The following KCTD16 variants were observed in gnomAD, a reference collection of about 807,000 sequenced individuals.
KCTD16 encodes potassium channel tetramerization domain containing 16.
A neutral mutation model predicts 33.2 loss-of-function variants in KCTD16; 13 were observed. That is an observed-to-expected ratio of 0.39 (90% CI 0.25 to 0.62). KCTD16 has a LOEUF of 0.62. Among genes scored for constraint, KCTD16 ranks in the 20% least tolerant of loss-of-function variants. The pLI is 0.50. For missense variants in KCTD16, 441 were observed against 525.1 expected (o/e 0.84, Z 1.57); for synonymous variants, 197 against 195.3 (o/e 1.01, Z -0.07).
rs374139569 is a variant in KCTD16 at position 144,286,913 on chromosome 5, C to G, written c.832+79367C>G. 6.5e-4 allele frequency among the ~76,000 whole-genome samples: 99 copies of G among 152,278 alleles called. 1 individual carries two copies. The highest frequency in any genetic ancestry group is 2.3e-3 in the African/African-American group (94 of 41,566). On this transcript the variant is annotated intron_variant, in intron 3 of 3. Coordinates refer to ENST00000512467, the MANE Select transcript of KCTD16 (RefSeq NM_020768.4). ...TAATAGGCCTGACACTTATTGAGCA[C>G]TTACTATGTACCAGGTATGATTCTA...
chr5:144,458,532 G>A (rs1580980420), intron 3 of KCTD16, among the ~76,000 whole-genome samples: 1 of 152,192 alleles, frequency 6.6e-6, no homozygotes, highest in East Asian at 1.9e-4. Context: ...CTACTCTTTG[G>A]TCCTGTTGTT....
In KCTD16 at chr5:144,466,982, A is replaced by G. The variant is rs574531578; in HGVS notation, c.833-6678A>G. Among the ~76,000 whole-genome samples, 385 of 128,678 alleles carry G rather than the reference A, an allele frequency of 3.0e-3. 3 individuals are homozygous for G. Among genetic ancestry groups the G allele is most frequent in the African/African-American group, 0.011 (359 of 33,618 alleles). 84.4% of individuals were successfully genotyped at this position (128,678 alleles called of 152,430 possible). The stretch of plus-strand genomic sequence containing the variant: ...ATTATATATATTATATATAATATAT[A>G]TAACACTATATATATTATATATATT... On this transcript the variant is annotated intron_variant, in intron 3 of 3. Transcript: ENST00000512467.
intron 3 of KCTD16, among the ~76,000 whole-genome samples, chr5:144,465,500 G>A (rs895335662): frequency 1.3e-5 from 2 of 152,006 alleles, no homozygotes; most frequent in Non-Finnish European, 2.9e-5. Flanking sequence ...AAAAATGAGG[G>A]CACTCGTGGC....
At chr5:144,314,790 A>C (rs1418985580) in intron 3 of KCTD16, among the ~76,000 whole-genome samples, 2 of 152,208 alleles carry the variant, frequency 1.3e-5, no homozygotes, top group African/African-American at 4.8e-5. Context: ...GCATACACGA[A>C]ATGGAAAACA....
chr5:144,268,280 A>G (rs1045238863), intron 3 of KCTD16, among the ~76,000 whole-genome samples: 1 of 152,174 alleles, frequency 6.6e-6, no homozygotes, highest in Non-Finnish European at 1.5e-5. Flanking sequence ...GCTTCTGGCC[A>G]CAGAGGTATA....
chr5:144,403,964 G>A (rs1488153132), intron 3 of KCTD16, among the ~76,000 whole-genome samples: 1 of 152,196 alleles, frequency 6.6e-6, no homozygotes, highest in Non-Finnish European at 1.5e-5. Flanking sequence ...GCAATAATAT[G>A]AGTGGCAGAG....
chr5:144,205,280 A>C (rs1753136017), intron 2 of KCTD16: 7 of 339,118 alleles, frequency 2.1e-5, no homozygotes, highest in Admixed American at 4.8e-5. Flanking sequence ...CCTGTCACCG[A>C]GGAGGACGTG....
chr5:144,209,063 T>C (rs770415794), intron 3 of KCTD16, among the ~76,000 whole-genome samples: 1 of 152,230 alleles, frequency 6.6e-6, no homozygotes, highest in Non-Finnish European at 1.5e-5. Flanking sequence ...TTCTCCAAAC[T>C]TTTTGGAGAA....
At chr5:144,457,991 G>A (rs1754108575) in intron 3 of KCTD16, among the ~76,000 whole-genome samples, 1 of 152,122 alleles carries the variant, frequency 6.6e-6, no homozygotes, top group Non-Finnish European at 1.5e-5. Flanking sequence ...CTGACACACG[G>A]GGTAGTCAGA....
chr5:144,221,614 T>G (rs948390636), intron 3 of KCTD16, among the ~76,000 whole-genome samples: 3 of 152,246 alleles, frequency 2.0e-5, no homozygotes, highest in African/African-American at 7.2e-5. Context: ...TTTTTATGGC[T>G]GCATAGTATT....
At chr5:144,398,706 ACACT>A (rs1306083233) in intron 3 of KCTD16, among the ~76,000 whole-genome samples, 3 of 146,498 alleles carry the variant, frequency 2.0e-5, no homozygotes, top group African/African-American at 5.5e-5. Flanking sequence ...ACACACACAC[ACACT>A]CTCTCTCTCT....
chr5:144,366,966 T>C (rs1327949063), intron 3 of KCTD16, among the ~76,000 whole-genome samples: 1 of 152,170 alleles, frequency 6.6e-6, no homozygotes, highest in Non-Finnish European at 1.5e-5. Flanking sequence ...TCTAGCTGGC[T>C]CATGGCCTCT....
intron 3 of KCTD16, among the ~76,000 whole-genome samples, chr5:144,318,813 C>T (rs773384556): frequency 2.6e-5 from 4 of 152,106 alleles, no homozygotes; most frequent in South Asian, 2.1e-4. Context: ...ATGAGGTGCC[C>T]ACCACCTCAT....
intron 2 of KCTD16, among the ~76,000 whole-genome samples, chr5:144,176,164 G>A (rs1010942507): frequency 6.6e-6 from 1 of 151,958 alleles, no homozygotes; most frequent in East Asian, 1.9e-4. Flanking sequence ...TCTCATATTC[G>A]ATTTTCTTGA....
chr5:144,272,494 A>G (rs1755325939), intron 3 of KCTD16, among the ~76,000 whole-genome samples: 1 of 152,162 alleles, frequency 6.6e-6, no homozygotes, highest in Non-Finnish European at 1.5e-5. Context: ...TAAGATCTCA[A>G]GAGACCCCCA....
At chr5:144,458,897 A>T (rs1457813761) in intron 3 of KCTD16, among the ~76,000 whole-genome samples, 1 of 152,192 alleles carries the variant, frequency 6.6e-6, no homozygotes, top group Non-Finnish European at 1.5e-5. Flanking sequence ...GAAAGTGAAG[A>T]CAGCACATGG....
intron 3 of KCTD16, among the ~76,000 whole-genome samples, chr5:144,245,871 A>G (rs1754536151): frequency 6.6e-6 from 1 of 152,138 alleles, no homozygotes; most frequent in Non-Finnish European, 1.5e-5. Flanking sequence ...GCTTCCTATG[A>G]AGCCTGCAGA....
intron 2 of KCTD16, among the ~76,000 whole-genome samples, chr5:144,177,618 C>T (rs772311623): frequency 1.8e-4 from 27 of 152,286 alleles, no homozygotes; most frequent in Middle Eastern, 6.8e-3. Flanking sequence ...ACATGGTCTT[C>T]GCATAGTCTT....
At chr5:144,209,790 ATATATATATATATATTTATATGTGTG>A (rs1323412795) in intron 3 of KCTD16, among the ~76,000 whole-genome samples, 1 of 142,824 alleles carries the variant, frequency 7.0e-6, no homozygotes, top group Non-Finnish European at 1.5e-5. Flanking sequence ...AGGGGGAAAT[ATATATATATATATATTTATATGTGTG>A]TATATATATA....
Sources: allele counts gnomAD v4.1 joint callset (sites outside exome capture counted in the v4.1 genomes callset), GRCh38; gene constraint gnomAD v4.1.1; transcripts MANE v1.5; gene names NCBI Gene and HGNC (gene_info 2026-07-23, HGNC 2026-07-21).